The following ZFC3H1 variants were observed in gnomAD, a reference collection of about 807,000 sequenced individuals.
ZFC3H1 encodes the protein zinc finger C3H1-type containing.
A neutral mutation model predicts 243.7 loss-of-function variants in ZFC3H1; 71 were observed. The observed-to-expected ratio is 0.29, with a 90% CI of 0.24 to 0.36. The LOEUF is 0.36. Ranked by LOEUF, ZFC3H1 falls within the 10% of genes least tolerant of loss-of-function variation. The pLI is 1.00. For missense variants in ZFC3H1, 1,966 were observed against 2,317.1 expected (o/e 0.85, Z 3.11); for synonymous variants, 838 against 813.0 (o/e 1.03, Z -0.52).
In ZFC3H1 at chr12:71,658,452, C is replaced by T. The variant is rs1341899157; in HGVS notation, c.599-1151G>A. ...TACAGGTGCGTGCCACCATGCCCAG[C>T]TAATTTTTGTATTTTTAGTAGAGAT... On this transcript the variant is annotated intron_variant, in intron 1 of 34. Transcript: ENST00000378743. Among the ~76,000 whole-genome samples, 4 of 151,952 alleles carry T rather than the reference C, an allele frequency of 2.6e-5. No individual in the cohort carries two copies. The East Asian group carries it at 7.7e-4, about 29-fold the overall frequency.
intron 22 of ZFC3H1, among the ~76,000 whole-genome samples, chr12:71,625,472 G>A (rs1248574464): frequency 6.6e-6 from 1 of 152,160 alleles, no homozygotes; most frequent in Admixed American, 6.5e-5. Context: ...CAGGAGGATT[G>A]CATGAGCCCA....
chr12:71,653,433 A>G (rs757630005), intron 2 of ZFC3H1, among the ~76,000 whole-genome samples: 63 of 152,346 alleles, frequency 4.1e-4, no homozygotes, highest in Non-Finnish European at 7.2e-4. Context: ...ACATCTATAC[A>G]GAGTTCCAAA....
chr12:71,660,198 T>C (rs1881128884), intron 1 of ZFC3H1: 1 of 152,218 alleles, frequency 6.6e-6, no homozygotes, highest in Non-Finnish European at 1.5e-5. Context: ...ATTATTATAA[T>C]CACATAGTGG....
At position 71,613,243 on chromosome 12, in the gene ZFC3H1, C is replaced by T. The variant is rs564768656; in HGVS notation, c.5627+92G>A. 10 of 884,342 alleles carry T rather than the reference C, an allele frequency of 1.1e-5. No individual in the cohort carries two copies. The East Asian group carries it at 2.5e-4, about 22-fold the overall frequency. The allele number at this position is 884,342 out of a possible 1,614,324, so 54.8% of individuals were successfully genotyped here. ...TATTCATGAGGACATAGTGGAACAA[C>T]AGACTATTTTTATCAAGTTTTCAAG... On this transcript the variant is annotated intron_variant, in intron 31 of 34. Coordinates refer to ENST00000378743, the MANE Select transcript of ZFC3H1 (RefSeq NM_144982.5).
At chr12:71,653,127 A>G (rs1305318940) in intron 2 of ZFC3H1, among the ~76,000 whole-genome samples, 1 of 152,236 alleles carries the variant, frequency 6.6e-6, no homozygotes, top group African/African-American at 2.4e-5. Flanking sequence ...CCTATGGTTA[A>G]TTTGTTTAAA....
rs751049912 is a variant in ZFC3H1 at position 71,632,383 on chromosome 12, T to C, written c.2949A>G (p.Leu983=). 10 of 1,613,488 alleles carry C rather than the reference T, an allele frequency of 6.2e-6. No individual in the cohort carries two copies. The Admixed American group carries it at 1.0e-4, about 16-fold the overall frequency. The part of the protein sequence containing the change: ...EYEYALKIQK[L]KEARALKAKE... ...TTGCTTTAAGGGCACGGGCTTCTTT[T>C]AATTTTTGAATTTTCAGGGCATATT... The change falls in exon 15 of 35, where the codon TTA becomes TTG. Residue 983 remains leucine (L), a synonymous_variant. Transcript: ENST00000378743.
At chr12:71,645,111 T>A (rs200043097) in intron 3 of ZFC3H1, 36 bp from the exon 4 acceptor site, 9 of 1,524,810 alleles carry the variant, frequency 5.9e-6, no homozygotes, top group Non-Finnish European at 7.9e-6. Context: ...AATTTTTTAA[T>A]TCTATTATTT....
intron 6 of ZFC3H1, among the ~76,000 whole-genome samples, chr12:71,641,184 C>T (rs1331192221): frequency 6.6e-6 from 1 of 152,056 alleles, no homozygotes; most frequent in African/African-American, 2.4e-5. Context: ...ATTGTCAATA[C>T]TTGGGAATTA....
intron 30 of ZFC3H1, 95 bp from the exon 31 acceptor site, chr12:71,613,530 G>T: frequency 1.4e-6 from 1 of 690,258 alleles, no homozygotes; most frequent in Non-Finnish European, 2.4e-6. Flanking sequence ...TGGTCTTTAA[G>T]ATATGAATGT....
In ZFC3H1 at chr12:71,663,392, G is replaced by A. The variant is rs377578043; in HGVS notation, c.219C>T (p.Ser73=). ...GGGSGGGGGS[S]SSSSSSQQQL... ...GCTGCTGAGAAGAGGACGATGACGAGGAAGAGCCACCGCCTCCGCCAGATC... is the reference window on the plus strand; with the variant it reads ...GCTGCTGAGAAGAGGACGATGACGAAGAAGAGCCACCGCCTCCGCCAGATC... Residue 73 remains serine (S), a synonymous_variant, in exon 1 of 35, where the codon TCC becomes TCT. Transcript: ENST00000378743. 16 of 1,612,130 alleles carry A rather than the reference G, an allele frequency of 9.9e-6. No homozygotes were observed. In the East Asian group the frequency reaches 2.9e-4, roughly 29 times the overall value.
At chr12:71,634,082 T>C in intron 12 of ZFC3H1, 73 bp downstream of exon 12, 1 of 1,445,106 alleles carries the variant, frequency 6.9e-7, no homozygotes, top group South Asian at 1.3e-5. Flanking sequence ...GTACGCTTAT[T>C]AATAACATAC....
intron 31 of ZFC3H1, among the ~76,000 whole-genome samples, chr12:71,613,113 T>C (rs1207282413): frequency 6.6e-6 from 1 of 152,228 alleles, no homozygotes; most frequent in Non-Finnish European, 1.5e-5. Flanking sequence ...TGGAATTATT[T>C]GCCCCTTTGT....
intron 1 of ZFC3H1, among the ~76,000 whole-genome samples, chr12:71,661,286 C>G (rs1881167897): frequency 1.3e-5 from 2 of 151,538 alleles, no homozygotes; most frequent in Non-Finnish European, 1.5e-5. Context: ...GGCGACAGAG[C>G]GAGACTCTGT....
Position 71,657,076 on chromosome 12 carries a change from A to G in ZFC3H1, c.824T>C (p.Val275Ala), listed in dbSNP as rs1306067776. Residue 275 changes from valine (V) to alanine (A), a missense_variant, in exon 2 of 35, where the codon GTC becomes GCC. By Grantham distance (64) the Val-to-Ala change is moderately conservative. This residue lies in a region of ZFC3H1 where 484 missense variants were observed against 449.7 expected (regional missense o/e 1.08). Transcript: ENST00000378743. ...TTTACTTGAATCCTTTGTAATACTG[A>G]CATTATCAGTGCTAGTTTGGTCCTC... ...NFEDQTSTDN[V>A]SITKDSSKEV... The G allele has an allele frequency of 1.9e-6, 3 of 1,613,794 alleles. No homozygotes were observed. The African/African-American group carries it at 4.0e-5, about 22-fold the overall frequency.
At chr12:71,661,076 G>C (rs1270836948) in intron 1 of ZFC3H1, among the ~76,000 whole-genome samples, 1 of 152,040 alleles carries the variant, frequency 6.6e-6, no homozygotes, top group Non-Finnish European at 1.5e-5. Context: ...GGCCGAGGTG[G>C]GCGGATCACG....
chr12:71,647,004 T>C (rs1880745577), intron 3 of ZFC3H1, among the ~76,000 whole-genome samples: 1 of 152,250 alleles, frequency 6.6e-6, no homozygotes, highest in South Asian at 2.1e-4. Flanking sequence ...TAATGTCAAC[T>C]TGATTCATAG....
intron 5 of ZFC3H1, 127 bp from the exon 6 acceptor site, chr12:71,642,686 T>C (rs2137546430): frequency 9.3e-7 from 1 of 1,076,206 alleles, no homozygotes; most frequent in East Asian, 2.5e-5. Flanking sequence ...GATGTGCCTA[T>C]CACATCTTTG....
intron 31 of ZFC3H1, 60 bp from the exon 32 acceptor site, chr12:71,611,947 G>A: frequency 3.1e-6 from 3 of 967,534 alleles, no homozygotes; most frequent in South Asian, 2.9e-5. Flanking sequence ...CCCCAAATGT[G>A]CTCTATGAGC....
At chr12:71,655,597 T>C (rs775481737) in intron 2 of ZFC3H1, among the ~76,000 whole-genome samples, 4 of 152,074 alleles carry the variant, frequency 2.6e-5, no homozygotes, top group Non-Finnish European at 5.9e-5. Context: ...TTACAAAAAA[T>C]ATAGAGTTTA....
Sources: allele counts gnomAD v4.1 joint callset (sites outside exome capture counted in the v4.1 genomes callset), GRCh38; gene constraint gnomAD v4.1.1; regional missense constraint gnomAD v4.1.1; transcripts MANE v1.5; gene names NCBI Gene and HGNC (gene_info 2026-07-23, HGNC 2026-07-21).